LCORL: variants seen among roughly 807,000 people sequenced by gnomAD.
LCORL encodes the protein ligand-dependent nuclear receptor corepressor-like protein.
A neutral mutation model predicts 141.8 loss-of-function variants in LCORL; 41 were observed. That is an observed-to-expected ratio of 0.29 (90% confidence interval 0.23 to 0.38). LCORL has a LOEUF of 0.38. LCORL is among the 10% of genes least tolerant of loss of function. LCORL has a pLI of 1.00. For missense variants in LCORL, 1,759 were observed against 2,035.0 expected (o/e 0.86, Z 2.61); for synonymous variants, 618 against 694.1 (o/e 0.89, Z 1.72).
intron 1 of LCORL, among the ~76,000 whole-genome samples, chr4:18,017,695 G>A (rs1304888502): frequency 6.6e-6 from 1 of 152,068 alleles, no homozygotes; most frequent in Non-Finnish European, 1.5e-5. Flanking sequence ...AGTGACTAAG[G>A]AGACATAATT....
chr4:17,873,439 G>C, exon 7 of LCORL: 1 of 1,233,724 alleles, frequency 8.1e-7, no homozygotes, highest in African/African-American at 1.5e-5. Flanking sequence ...CAAGACTGTC[G>C]TTTATGTCTT....
chr4:17,935,639 C>T (rs918343654), intron 4 of LCORL, among the ~76,000 whole-genome samples: 4 of 152,286 alleles, frequency 2.6e-5, no homozygotes, highest in Admixed American at 2.0e-4. Flanking sequence ...CCATGTGATA[C>T]ACTGGCTCCT....
intron 1 of LCORL, among the ~76,000 whole-genome samples, chr4:18,013,273 G>T (rs1724093685): frequency 6.6e-6 from 1 of 152,140 alleles, no homozygotes; most frequent in African/African-American, 2.4e-5. Flanking sequence ...ATTCCTTAAG[G>T]TGTGGTACTG....
At chr4:17,901,008 T>C (rs1730773335) in intron 5 of LCORL, among the ~76,000 whole-genome samples, 1 of 152,128 alleles carries the variant, frequency 6.6e-6, no homozygotes, top group East Asian at 1.9e-4. Flanking sequence ...CTTGGTTGGA[T>C]TGTGACCCGT....
At chr4:17,938,656 AC>A (rs1369967714) in intron 4 of LCORL, among the ~76,000 whole-genome samples, 1 of 148,466 alleles carries the variant, frequency 6.7e-6, no homozygotes, top group Non-Finnish European at 1.5e-5. Context: ...CAGGTGATCC[AC>A]CCGCCTCAGC....
At chr4:17,922,108 G>A (rs1734391986) in intron 4 of LCORL, among the ~76,000 whole-genome samples, 1 of 152,126 alleles carries the variant, frequency 6.6e-6, no homozygotes, top group Admixed American at 6.5e-5. Flanking sequence ...ACTTGTGATT[G>A]TGTGAGTCAA....
chr4:17,997,945 G>T (rs372156149), intron 1 of LCORL, among the ~76,000 whole-genome samples: 9 of 152,108 alleles, frequency 5.9e-5, no homozygotes, highest in African/African-American at 2.2e-4. Flanking sequence ...GCTTAAAAAT[G>T]GAAACACATT....
chr4:17,863,197 T>C (rs1361953621), intron 7 of LCORL, among the ~76,000 whole-genome samples: 1 of 152,128 alleles, frequency 6.6e-6, no homozygotes, highest in African/African-American at 2.4e-5. Context: ...GTGCCTGTAA[T>C]CCCAGCTACT....
chr4:18,004,887 A>G (rs901568798), intron 1 of LCORL, among the ~76,000 whole-genome samples: 4 of 152,174 alleles, frequency 2.6e-5, no homozygotes, highest in Middle Eastern at 3.4e-3. Context: ...AAGGGGCTAC[A>G]GGCCCCATGC....
chr4:17,904,951 C>T (rs1459536313), intron 5 of LCORL, among the ~76,000 whole-genome samples: 3 of 152,150 alleles, frequency 2.0e-5, no homozygotes, highest in East Asian at 1.9e-4. Flanking sequence ...CATCAGTCCT[C>T]ACATTCATTT....
rs1305111936 is a variant in LCORL at position 17,940,553 on chromosome 4, CTAG to C, written c.430+21347_430+21349del. On this transcript the variant is annotated intron_variant, in intron 4 of 7. Coordinates refer to ENST00000635767, the Ensembl canonical transcript of LCORL. ...CTTTTAATGCATTAAAATATAAAAT[CTAG>C]TAGTAAGTCCAATGTCTACCATAAT... 4.9e-5 allele frequency among the ~76,000 whole-genome samples: 6 copies of C among 121,972 alleles called. No individual in the cohort carries two copies. The East Asian group carries it at 1.3e-3, about 26-fold the overall frequency. 80.0% of individuals were successfully genotyped at this position (121,972 alleles called of 152,430 possible).
intron 4 of LCORL, among the ~76,000 whole-genome samples, chr4:17,916,562 C>G (rs1476132576): frequency 6.6e-6 from 1 of 151,878 alleles, no homozygotes. Context: ...GAGGTCCTTA[C>G]CAGAGCTGAG....
chr4:18,021,782 A>G lies in LCORL; in HGVS notation c.-31T>C, dbSNP rs1382109078. ...TCCCGCGTCACGCGCCCTCATTTAC[A>G]TACGAGCAGCGCAGGCACGAGGCAG... On this transcript the variant is annotated 5_prime_UTR_variant, in exon 1 of 8. Coordinates refer to ENST00000635767, the Ensembl canonical transcript of LCORL. This position sits in a 1 kb window ranked among gnomAD's most constrained non-coding sequence, Gnocchi z 5.5. The G allele has an allele frequency of 1.2e-5, 17 of 1,470,594 alleles. No homozygotes were observed. Among genetic ancestry groups the G allele is most frequent in the Non-Finnish European group, 1.5e-5 (17 of 1,118,020 alleles). The allele number at this position is 1,470,594 out of a possible 1,614,324, so 91.1% of individuals were successfully genotyped here.
At chr4:17,897,973 G>C (rs527539004) in intron 5 of LCORL, among the ~76,000 whole-genome samples, 1 of 152,264 alleles carries the variant, frequency 6.6e-6, no homozygotes, top group South Asian at 2.1e-4. Flanking sequence ...GAGGAAATGT[G>C]TATTTTTGAA....
At position 17,972,811 on chromosome 4, in the gene LCORL, A is replaced by T. The variant is rs748268534; in HGVS notation, c.220+9T>A. The T allele has an allele frequency of 1.8e-5, 25 of 1,393,376 alleles. No homozygotes were observed. The highest frequency in any genetic ancestry group is 1.1e-4 in the African/African-American group (7 of 65,878). The allele number at this position is 1,393,376 out of a possible 1,614,324, so 86.3% of individuals were successfully genotyped here. On this transcript the variant is annotated intron_variant, in intron 2 of 7. Coordinates refer to ENST00000635767, the Ensembl canonical transcript of LCORL. Reference sequence around the variant, plus strand: ...AATGACAACTTTTAAATAAAATTTTAAAAATTACCTTCAAATAAACTGAGG... The same window carrying T: ...AATGACAACTTTTAAATAAAATTTTTAAAATTACCTTCAAATAAACTGAGG...
intron 5 of LCORL, among the ~76,000 whole-genome samples, chr4:17,892,075 TTTGA>T (rs1326582676): frequency 3.9e-5 from 6 of 152,292 alleles, no homozygotes; most frequent in African/African-American, 1.4e-4. Flanking sequence ...ATAAAATTGT[TTTGA>T]TTGTTACTGT....
intron 4 of LCORL, among the ~76,000 whole-genome samples, chr4:17,922,901 C>T (rs1392680853): frequency 1.3e-5 from 2 of 152,196 alleles, no homozygotes; most frequent in African/African-American, 4.8e-5. Flanking sequence ...CCAACCTGGG[C>T]AGCCATCAGC....
At chr4:17,954,000 A>T (rs1392305942) in intron 4 of LCORL, among the ~76,000 whole-genome samples, 3 of 152,102 alleles carry the variant, frequency 2.0e-5, no homozygotes, top group Non-Finnish European at 2.9e-5. Context: ...CGTCTCTACT[A>T]AAAATACAAA....
intron 1 of LCORL, among the ~76,000 whole-genome samples, chr4:17,998,928 G>A (rs1308324062): frequency 2.4e-5 from 3 of 126,872 alleles, no homozygotes; most frequent in Non-Finnish European, 4.7e-5. Context: ...TCACACCACT[G>A]CACTCTAGCC....
Sources: gnomAD v4.1 joint callset for allele counts (sites outside exome capture counted in the v4.1 genomes callset) on GRCh38, gnomAD v4.1.1 for gene constraint, Gnocchi (gnomAD v3.1) non-coding constraint, MANE v1.5 for transcripts, NCBI Gene and HGNC (gene_info 2026-07-23, HGNC 2026-07-21) for gene names.